Variants in MARCO observed in about 807,000 individuals in gnomAD.
MARCO encodes macrophage receptor MARCO.
In MARCO, 72 loss-of-function variants were observed where a neutral mutation model predicts 70.0. The observed-to-expected ratio is 1.03, with a 90% CI of 0.85 to 1.25. The LOEUF (loss-of-function observed/expected upper bound fraction) is 1.25, where lower values mean the gene tolerates loss of function less well. Ranked by LOEUF, MARCO falls within the 50% of genes most tolerant of loss-of-function variation. The pLI is 0.00. For missense variants in MARCO, 696 were observed against 659.3 expected (o/e 1.06, Z -0.61); for synonymous variants, 273 against 243.1 (o/e 1.12, Z -1.14).
chr2:118,979,441 T>C (rs1047437827), intron 8 of MARCO, among the ~76,000 whole-genome samples: 4 of 152,184 alleles, frequency 2.6e-5, no homozygotes, highest in African/African-American at 7.2e-5. Flanking sequence ...AGGAACATGG[T>C]TGGGTGGTTG....
At chr2:118,969,655 G>A (rs184502295) in intron 2 of MARCO, among the ~76,000 whole-genome samples, 1 of 152,320 alleles carries the variant, frequency 6.6e-6, no homozygotes, top group South Asian at 2.1e-4. Flanking sequence ...CCAATCTAAA[G>A]GTTAAAGTCA....
chr2:118,967,013 C>T (rs1193131133), intron 1 of MARCO, among the ~76,000 whole-genome samples: 3 of 152,254 alleles, frequency 2.0e-5, no homozygotes, highest in African/African-American at 7.2e-5. Context: ...ATTCATTCAT[C>T]TATTCAGTCA....
Position 118,993,307 on chromosome 2 carries a change from G to T in MARCO, c.1429+7G>T. 6.2e-7 allele frequency: 1 copy of T among 1,613,836 alleles called. No individual in the cohort carries two copies. Among genetic ancestry groups the T allele is most frequent in the South Asian group, 1.1e-5 (1 of 91,056 alleles). On this transcript the variant is annotated splice_region_variant and intron_variant, in intron 16 of 16. Transcript: ENST00000327097. ...CTGTACAAAGTGGGAGCTGGTAAGT[G>T]AGTCATCAGCCGGGGGCCTCTTCCC... is the stretch of plus-strand genomic sequence containing the variant.
intron 1 of MARCO, among the ~76,000 whole-genome samples, chr2:118,951,380 C>T (rs1485402616): frequency 1.3e-5 from 2 of 152,198 alleles, no homozygotes; most frequent in African/African-American, 2.4e-5. Context: ...ACAGAATAGC[C>T]GCATACCTTA....
rs114851202 is a variant in MARCO, at chr2:118,967,075, G to T, written c.98-2085G>T. 3.7e-3 allele frequency among the ~76,000 whole-genome samples: 558 copies of T among 152,338 alleles called. 8 individuals carry two copies. The highest frequency in any genetic ancestry group is 0.012 in the African/African-American group (510 of 41,584). On this transcript the variant is annotated intron_variant, in intron 1 of 16. Coordinates refer to ENST00000327097, the MANE Select transcript of MARCO (RefSeq NM_006770.4). The stretch of plus-strand genomic sequence containing the variant: ...GATACCACGTTGGTGCTGGAATACA[G>T]CTCAAAGAGCTTCCAGGCCATTTGG...
chr2:118,991,240 A>G (rs115615278), intron 13 of MARCO, among the ~76,000 whole-genome samples: 2,355 of 141,526 alleles, frequency 0.017, 74 homozygotes, highest in African/African-American at 0.059. Context: ...TAGATATTCT[A>G]TTATGTTTTA....
intron 4 of MARCO, among the ~76,000 whole-genome samples, chr2:118,973,052 G>T (rs1680203662): frequency 6.6e-6 from 1 of 151,916 alleles, no homozygotes; most frequent in Admixed American, 6.5e-5. Flanking sequence ...TATGTACATA[G>T]AGAAAAACTC....
chr2:118,981,328 G>A lies in MARCO; in HGVS notation c.767-81G>A, dbSNP rs987859819. 9 of 889,706 alleles carry A rather than the reference G, an allele frequency of 1.0e-5. No homozygotes were observed. In the Admixed American group the frequency reaches 2.3e-4, roughly 22 times the overall value. The allele number at this position is 889,706 out of a possible 1,614,324, so 55.1% of individuals were successfully genotyped here. On this transcript the variant is annotated intron_variant, in intron 8 of 16. Transcript: ENST00000327097. ...GGAGTTTAGGGTTTGGGATTTCAGT[G>A]GAATGGGAAGTGTCAGAGGAGGACA...
rs146954353 is a variant in MARCO at position 118,967,083 on chromosome 2, A to G, written c.98-2077A>G. Among the ~76,000 whole-genome samples, 413 of 152,314 alleles carry G rather than the reference A, an allele frequency of 2.7e-3. 1 individual carries two copies. The highest frequency in any genetic ancestry group is 9.4e-3 in the African/African-American group (389 of 41,562). On this transcript the variant is annotated intron_variant, in intron 1 of 16. Transcript: ENST00000327097. ...GTTGGTGCTGGAATACAGCTCAAAG[A>G]GCTTCCAGGCCATTTGGGGAGACAG...
chr2:118,992,926 C>T (rs900335984), intron 15 of MARCO, 198 bp from the exon 16 acceptor site: 2 of 554,838 alleles, frequency 3.6e-6, no homozygotes, highest in African/African-American at 1.9e-5. Context: ...CTTGTGCCTG[C>T]AGGCCCCAGG....
Position 118,942,403 on chromosome 2 carries a change from G to A in MARCO, c.97+6G>A, listed in dbSNP as rs753893017. 1.9e-6 allele frequency: 3 copies of A among 1,599,852 alleles called. No homozygotes were observed. The highest frequency in any genetic ancestry group is 2.2e-5 in the East Asian group (1 of 44,726). The stretch of plus-strand genomic sequence containing the variant: ...GGAGCCTTTCGAAATCAATGGTAAA[G>A]TACGATTCCCCAATAATGGAAATGA... On this transcript the variant is annotated splice_donor_region_variant and intron_variant, in intron 1 of 16. Coordinates refer to ENST00000327097, the MANE Select transcript of MARCO (RefSeq NM_006770.4).
intron 1 of MARCO, among the ~76,000 whole-genome samples, chr2:118,953,289 G>A (rs1420178779): frequency 1.3e-5 from 2 of 152,202 alleles, no homozygotes; most frequent in Admixed American, 6.5e-5. Context: ...TTAACACAAA[G>A]CAAGGAGGCT....
At chr2:118,955,060 A>G (rs2104556111) in intron 1 of MARCO, among the ~76,000 whole-genome samples, 1 of 152,124 alleles carries the variant, frequency 6.6e-6, no homozygotes, top group East Asian at 1.9e-4. Context: ...AAAAAAAAAA[A>G]ATCACACTAG....
At chr2:118,944,029 G>A (rs552477067) in intron 1 of MARCO, among the ~76,000 whole-genome samples, 20 of 152,240 alleles carry the variant, frequency 1.3e-4, no homozygotes, top group Admixed American at 5.9e-4. Context: ...GAGAAACACC[G>A]GAAATCAGAT....
At chr2:118,960,746 T>C (rs145864072) in intron 1 of MARCO, among the ~76,000 whole-genome samples, 2 of 152,186 alleles carry the variant, frequency 1.3e-5, no homozygotes, top group African/African-American at 2.4e-5. Context: ...TTTATTTCTA[T>C]TTTAAGTTCC....
chr2:118,943,958 T>C (rs1024139382), intron 1 of MARCO, among the ~76,000 whole-genome samples: 2 of 151,972 alleles, frequency 1.3e-5, no homozygotes, highest in African/African-American at 4.8e-5. Flanking sequence ...AGAGAGGAAC[T>C]TGGCAGCAAG....
chr2:118,993,907 T>C lies in MARCO; in HGVS notation c.1430-480T>C, dbSNP rs1005997188. ...CAGGCAGAACCCTTTTCTCTGGCTATAGGATCTGGCCCAGCAGGACATGAG... is the reference window on the plus strand; with the variant it reads ...CAGGCAGAACCCTTTTCTCTGGCTACAGGATCTGGCCCAGCAGGACATGAG... On this transcript the variant is annotated intron_variant, in intron 16 of 16. Transcript: ENST00000327097. 2.0e-5 allele frequency among the ~76,000 whole-genome samples: 3 copies of C among 152,198 alleles called. 1 individual carries two copies. The highest frequency in any genetic ancestry group is 7.2e-5 in the African/African-American group (3 of 41,438).
At chr2:118,963,941 T>C (rs1311190425) in intron 1 of MARCO, among the ~76,000 whole-genome samples, 1 of 152,204 alleles carries the variant, frequency 6.6e-6, no homozygotes. Context: ...ATTTCTCTTT[T>C]CTTGCCTTCC....
intron 4 of MARCO, among the ~76,000 whole-genome samples, chr2:118,973,248 G>A (rs1254323629): frequency 6.6e-6 from 1 of 151,498 alleles, no homozygotes; most frequent in African/African-American, 2.4e-5. Flanking sequence ...ATAGATGTAT[G>A]TACATAGAGA....
Sources: allele counts gnomAD v4.1 joint callset (sites outside exome capture counted in the v4.1 genomes callset), GRCh38; gene constraint gnomAD v4.1.1; transcripts MANE v1.5; gene names NCBI Gene and HGNC (gene_info 2026-07-23, HGNC 2026-07-21).